SPAG1: variants seen among roughly 807,000 people sequenced by gnomAD.
SPAG1 encodes the protein sperm associated antigen 1.
SPAG1 carries 69 observed loss-of-function variants against 100.5 expected under a neutral mutation model. That is an observed-to-expected ratio of 0.69 (90% confidence interval 0.57 to 0.84). The LOEUF is 0.84. Among genes scored for constraint, SPAG1 ranks in the 40% least tolerant of loss-of-function variants. The probability of loss-of-function intolerance (pLI) is 0.00; values close to 1 mark genes in which losing one functional copy is unlikely to be tolerated. For missense variants in SPAG1, 955 were observed against 1,133.1 expected (o/e 0.84, Z 2.26); for synonymous variants, 336 against 411.6 (o/e 0.82, Z 2.22).
Position 100,173,832 on chromosome 8 carries a change from A to T in SPAG1, c.301-3984A>T, listed in dbSNP as rs1815986448. ...GGAAGTTCTGGGAAATCTTGCTGAAAAGAATGATGAATAAGGTATTGCAAG... is the reference window on the plus strand; with the variant it reads ...GGAAGTTCTGGGAAATCTTGCTGAATAGAATGATGAATAAGGTATTGCAAG... On this transcript the variant is annotated intron_variant, in intron 3 of 18. Transcript: ENST00000388798. Among the ~76,000 whole-genome samples the T allele has an allele frequency of 2.6e-5, 4 of 152,338 alleles. No individual in the cohort carries two copies. In the South Asian group the frequency reaches 8.3e-4, roughly 32 times the overall value.
At chr8:100,173,406 TTTTC>T (rs1815968069) in intron 3 of SPAG1, among the ~76,000 whole-genome samples, 1 of 152,152 alleles carries the variant, frequency 6.6e-6, no homozygotes, top group African/African-American at 2.4e-5. Context: ...ACCTTATTGC[TTTTC>T]TTTTTCTTCT....
chr8:100,213,395 T>C lies in SPAG1; in HGVS notation c.1402T>C (p.Tyr468His), dbSNP rs1291851719. Reference sequence around the variant, plus strand: ...GCAGTTCGCCGAGGCGGCCGGCAAGTACTCGGCGGCAATCGCGCTCCTGGA... The same window carrying C: ...GCAGTTCGCCGAGGCGGCCGGCAAGCACTCGGCGGCAATCGCGCTCCTGGA... The part of the protein sequence containing the change: ...SGQFAEAAGK[Y>H]SAAIALLEPA... The change falls in exon 11 of 19, where the codon TAC (tyrosine) becomes CAC (histidine). Residue 468 changes from tyrosine to histidine, a missense_variant. Coordinates refer to ENST00000388798, the MANE Select transcript of SPAG1 (RefSeq NM_003114.5). 2 of 1,447,312 alleles carry C rather than the reference T, an allele frequency of 1.4e-6. No individual in the cohort carries two copies. Among genetic ancestry groups the C allele is most frequent in the East Asian group, 3.0e-5 (1 of 33,412 alleles). The allele number at this position is 1,447,312 out of a possible 1,614,324, so 89.7% of individuals were successfully genotyped here. A position where few individuals can be genotyped will look rare whatever the true frequency, so the allele number is the denominator to read the frequency against.
chr8:100,176,375 T>C (rs1467093340), intron 3 of SPAG1, among the ~76,000 whole-genome samples: 1 of 151,026 alleles, frequency 6.6e-6, no homozygotes, highest in Non-Finnish European at 1.5e-5. Flanking sequence ...CTTTCTTTCT[T>C]TTTTTTTTGA....
chr8:100,206,648 C>G (rs530246593), intron 10 of SPAG1, among the ~76,000 whole-genome samples: 8 of 152,132 alleles, frequency 5.3e-5, no homozygotes, highest in Non-Finnish European at 1.5e-5. Context: ...TAAGGTGAAG[C>G]AAGATATTCC....
intron 8 of SPAG1, among the ~76,000 whole-genome samples, chr8:100,187,549 G>A (rs1816636838): frequency 6.6e-6 from 1 of 151,906 alleles, no homozygotes; most frequent in South Asian, 2.1e-4. Flanking sequence ...GAAGTATCTT[G>A]GCCAGGCACA....
chr8:100,192,907 A>C (rs1318140364), intron 9 of SPAG1, among the ~76,000 whole-genome samples: 2 of 152,148 alleles, frequency 1.3e-5, no homozygotes, highest in African/African-American at 2.4e-5. Context: ...TACAGGCATG[A>C]GCCATTGTGC....
chr8:100,182,090 A>G (rs1375767162), intron 4 of SPAG1, among the ~76,000 whole-genome samples: 2 of 152,248 alleles, frequency 1.3e-5, no homozygotes, highest in Non-Finnish European at 2.9e-5. Context: ...TACCTACTTT[A>G]TTATTATAAA....
intron 13 of SPAG1, among the ~76,000 whole-genome samples, chr8:100,221,948 T>C (rs1818301411): frequency 6.6e-6 from 1 of 152,240 alleles, no homozygotes; most frequent in Admixed American, 6.5e-5. Flanking sequence ...GATCCCAGCC[T>C]GCCTAGAAGA....
At chr8:100,223,292 T>C (rs1177282482) in intron 13 of SPAG1, among the ~76,000 whole-genome samples, 1 of 152,188 alleles carries the variant, frequency 6.6e-6, no homozygotes, top group Admixed American at 6.5e-5. Flanking sequence ...TGCCTAGGAG[T>C]AGAATTGCTG....
chr8:100,231,601 T>A (rs1818769950), intron 15 of SPAG1, among the ~76,000 whole-genome samples: 1 of 152,200 alleles, frequency 6.6e-6, no homozygotes, highest in Admixed American at 6.5e-5. Flanking sequence ...CTTGCCGGCC[T>A]CGTTGCAGCT....
intron 15 of SPAG1, among the ~76,000 whole-genome samples, chr8:100,232,463 G>A (rs1219499120): frequency 2.0e-5 from 3 of 152,040 alleles, no homozygotes; most frequent in East Asian, 1.9e-4. Context: ...AGACTGAAGC[G>A]CTCCCCATCT....
chr8:100,189,304 C>T (rs908049352), intron 8 of SPAG1, among the ~76,000 whole-genome samples: 2 of 151,886 alleles, frequency 1.3e-5, no homozygotes, highest in Non-Finnish European at 2.9e-5. Flanking sequence ...GGCGAAACTC[C>T]ATCTCTACTA....
At chr8:100,175,453 T>G (rs538196814) in intron 3 of SPAG1, among the ~76,000 whole-genome samples, 1 of 151,848 alleles carries the variant, frequency 6.6e-6, no homozygotes, top group Non-Finnish European at 1.5e-5. Context: ...CCTGACTAAT[T>G]TTTTTTGTAT....
chr8:100,220,291 TCATC>T lies in SPAG1; in HGVS notation c.1552_1555del (p.Pro518SerfsTer3). On this transcript the variant is annotated frameshift_variant, in exon 13 of 19. Coordinates refer to ENST00000388798, the MANE Select transcript of SPAG1 (RefSeq NM_003114.5). LOFTEE classifies it high-confidence loss of function. Reference sequence around the variant, plus strand: ...TTGTCTTCTTTAGGGCTCTGGAACTTCATCCATTCTCTATGAAACCTCTTCTGAG... The same window carrying T: ...TTGTCTTCTTTAGGGCTCTGGAACTTCATTCTCTATGAAACCTCTTCTGAG... 1.2e-6 allele frequency: 2 copies of T among 1,607,428 alleles called. No homozygotes were observed. Among genetic ancestry groups the T allele is most frequent in the Non-Finnish European group, 1.7e-6 (2 of 1,178,386 alleles).
At chr8:100,194,948 T>C (rs1375141405) in intron 10 of SPAG1, among the ~76,000 whole-genome samples, 4 of 152,092 alleles carry the variant, frequency 2.6e-5, no homozygotes, top group Admixed American at 6.5e-5. Context: ...GGGTGCATCA[T>C]GAGGTCAGGA....
In SPAG1 at chr8:100,165,805, C is replaced by A; in HGVS notation, c.141-9C>A. The A allele has an allele frequency of 3.1e-6, 5 of 1,603,812 alleles. No homozygotes were observed. Among genetic ancestry groups the A allele is most frequent in the Non-Finnish European group, 4.3e-6 (5 of 1,176,466 alleles). On this transcript the variant is annotated splice_polypyrimidine_tract_variant and intron_variant, in intron 2 of 18. Coordinates refer to ENST00000388798, the MANE Select transcript of SPAG1 (RefSeq NM_003114.5). ...TGCTAACTCTAAAACTTATTTATTT[C>A]TTTTTAAGATCTGGTGAGGAAGGAT... is the stretch of plus-strand genomic sequence containing the variant.
intron 10 of SPAG1, among the ~76,000 whole-genome samples, chr8:100,212,857 G>A (rs1450818819): frequency 6.6e-6 from 1 of 150,796 alleles, no homozygotes; most frequent in Non-Finnish European, 1.5e-5. Flanking sequence ...GTACGTTTCT[G>A]GCCGAAACCC....
intron 10 of SPAG1, among the ~76,000 whole-genome samples, chr8:100,201,363 C>T (rs1817269057): frequency 6.6e-6 from 1 of 151,954 alleles, no homozygotes; most frequent in Non-Finnish European, 1.5e-5. Flanking sequence ...GGGCTCAAGA[C>T]ATTCTCCCAC....
In SPAG1 at chr8:100,233,241, C is replaced by A. The variant is rs1410503054; in HGVS notation, c.1989-170C>A. ...GAGGGCTGTGACTGTATTTTGTTTG[C>A]GGTTGTATGCCCAGTGCCATAATTG... On this transcript the variant is annotated intron_variant, in intron 15 of 18. Transcript: ENST00000388798. 9 of 637,718 alleles carry A rather than the reference C, an allele frequency of 1.4e-5. No individual in the cohort carries two copies. The Admixed American group carries it at 2.3e-4, about 17-fold the overall frequency. 39.5% of individuals were successfully genotyped at this position (637,718 alleles called of 1,614,324 possible).
Sources: allele counts gnomAD v4.1 joint callset (sites outside exome capture counted in the v4.1 genomes callset), GRCh38; gene constraint gnomAD v4.1.1; transcripts MANE v1.5; gene names NCBI Gene and HGNC (gene_info 2026-07-23, HGNC 2026-07-21).